SLC17A1: variants seen among roughly 807,000 people sequenced by gnomAD.
SLC17A1 encodes the protein sodium-dependent phosphate transport protein 1.
SLC17A1 carries 51 observed loss-of-function variants against 53.5 expected under a neutral mutation model. The observed-to-expected ratio is 0.95, with a 90% CI of 0.76 to 1.20. The LOEUF (loss-of-function observed/expected upper bound fraction) is 1.20, where lower values mean the gene tolerates loss of function less well. SLC17A1 is among the 50% of genes most tolerant of loss of function. The pLI is 0.00. For synonymous variants in SLC17A1, 179 were observed against 198.8 expected (o/e 0.90, Z 0.84); for missense variants, 538 against 568.2 (o/e 0.95, Z 0.54).
chr6:25,774,586 A>T, the SLC17A1 span, among the ~76,000 whole-genome samples: 2 of 152,160 alleles, frequency 1.3e-5, no homozygotes, highest in African/African-American at 4.8e-5. Context: ...TTAAACCAGA[A>T]CCTTAATCCA....
At chr6:25,758,444 A>T in the SLC17A1 span, among the ~76,000 whole-genome samples, 1 of 152,220 alleles carries the variant, frequency 6.6e-6, no homozygotes, top group Non-Finnish European at 1.5e-5. Flanking sequence ...ACAAAGTTCA[A>T]TGCCTGCATG....
intron 3 of SLC17A1, among the ~76,000 whole-genome samples, chr6:25,820,166 A>AC (rs750837450): frequency 2.6e-5 from 4 of 152,180 alleles, no homozygotes; most frequent in Non-Finnish European, 5.9e-5. Context: ...AGTACCTTTC[A>AC]CAGCATAGAC....
the SLC17A1 span, chr6:25,731,980 T>G: frequency 1.3e-6 from 2 of 1,590,528 alleles, no homozygotes; most frequent in Non-Finnish European, 1.7e-6. Context: ...GAATTCATGA[T>G]ACTCATGGCC....
the SLC17A1 span, chr6:25,726,101 C>CTT: frequency 0.3 from 447,060 of 1,499,292 alleles, 73,937 homozygotes; most frequent in East Asian, 0.71. Context: ...TTTTCTGACA[C>CTT]AGAAGTCTTT....
At chr6:25,776,869 G>C in the SLC17A1 span, 4 of 1,613,954 alleles carry the variant, frequency 2.5e-6, no homozygotes, top group Admixed American at 1.7e-5. Context: ...TCCAGCCACA[G>C]CATGACCATG....
the SLC17A1 span, chr6:25,726,156 G>A: frequency 1.9e-6 from 3 of 1,556,922 alleles, no homozygotes; most frequent in Non-Finnish European, 1.7e-6. Context: ...CTTTATGGTG[G>A]TGACTCTCAG....
At chr6:25,733,810 G>GTA in the SLC17A1 span, among the ~76,000 whole-genome samples, 29 of 111,070 alleles carry the variant, frequency 2.6e-4, no homozygotes, top group African/African-American at 6.7e-4. Flanking sequence ...GTGTGTATGT[G>GTA]TGTGTGTGTG....
At chr6:25,811,148 A>T (rs1436252723) in intron 10 of SLC17A1, among the ~76,000 whole-genome samples, 2 of 152,176 alleles carry the variant, frequency 1.3e-5, no homozygotes, top group Non-Finnish European at 2.9e-5. Context: ...AATAAGCTTA[A>T]GAGATCTATT....
downstream of SLC17A1, chr6:25,779,935 T>C (rs997082576): frequency 9.9e-5 from 15 of 152,248 alleles, no homozygotes; most frequent in African/African-American, 3.4e-4. Context: ...GTAGCACTGC[T>C]TTTGGACAGT....
chr6:25,770,239 T>C, the SLC17A1 span: 5 of 1,614,122 alleles, frequency 3.1e-6, no homozygotes, highest in Middle Eastern at 3.3e-4. Flanking sequence ...TTCATTCCAC[T>C]GGCAGCTAAT....
the SLC17A1 span, among the ~76,000 whole-genome samples, chr6:25,763,317 G>A: frequency 6.6e-6 from 1 of 152,058 alleles, no homozygotes; most frequent in African/African-American, 2.4e-5. Flanking sequence ...ATCCTGTTTT[G>A]GTAGTCTCAT....
intron 12 of SLC17A1, among the ~76,000 whole-genome samples, chr6:25,798,239 C>G (rs992949930): frequency 2.0e-5 from 3 of 152,150 alleles, no homozygotes; most frequent in Non-Finnish European, 4.4e-5. Context: ...AGACATTTCT[C>G]CTCCAATTCA....
rs199749369 is a variant in SLC17A1, at chr6:25,818,794, C to G, written c.616+274G>C. Among the ~76,000 whole-genome samples the G allele has an allele frequency of 2.0e-5, 3 of 152,124 alleles. No homozygotes were observed. The East Asian group carries it at 5.8e-4, about 29-fold the overall frequency. ...CTGTAAACTTATTTATTCTGATCAT[C>G]CTTTTCCTGGAGAGTTTCATATAAA... On this transcript the variant is annotated intron_variant, in intron 6 of 12. Coordinates refer to ENST00000244527, the MANE Select transcript of SLC17A1 (RefSeq NM_005074.5).
chr6:25,726,796 C>A, the SLC17A1 span: 1 of 1,335,998 alleles, frequency 7.5e-7, no homozygotes, highest in Non-Finnish European at 1.0e-6. Context: ...CTTGGCGAGA[C>A]TTGGAGCTGA....
At chr6:25,751,596 C>T in the SLC17A1 span, among the ~76,000 whole-genome samples, 1 of 152,146 alleles carries the variant, frequency 6.6e-6, no homozygotes, top group Non-Finnish European at 1.5e-5. Flanking sequence ...TCAAACTGGG[C>T]CCCTAAGTGA....
At chr6:25,728,544 G>A in the SLC17A1 span, among the ~76,000 whole-genome samples, 2 of 152,154 alleles carry the variant, frequency 1.3e-5, no homozygotes, top group Non-Finnish European at 2.9e-5. Flanking sequence ...CGGCCGGCGC[G>A]GTGGCTCACG....
intron 10 of SLC17A1, among the ~76,000 whole-genome samples, chr6:25,809,765 T>C (rs561646945): frequency 6.6e-6 from 1 of 151,998 alleles, no homozygotes; most frequent in Non-Finnish European, 1.5e-5. Context: ...TAGAAAAACA[T>C]CTTACAATTT....
At chr6:25,769,238 A>C in the SLC17A1 span, 2 of 1,514,468 alleles carry the variant, frequency 1.3e-6, no homozygotes, top group Non-Finnish European at 1.8e-6. Flanking sequence ...AAATAATTTG[A>C]CTTAAAGAGT....
At chr6:25,725,936 A>AATTAGTTTGAAATT in the SLC17A1 span, among the ~76,000 whole-genome samples, 1 of 152,184 alleles carries the variant, frequency 6.6e-6, no homozygotes, top group East Asian at 1.9e-4. Flanking sequence ...GGCCGATGGA[A>AATTAGTTTGAAATT]CGCTCCTTGA....
Sources: gnomAD v4.1 joint callset for allele counts (sites outside exome capture counted in the v4.1 genomes callset) on GRCh38, gnomAD v4.1.1 for gene constraint, MANE v1.5 for transcripts, NCBI Gene and HGNC (gene_info 2026-07-23, HGNC 2026-07-21) for gene names.